ERBB2: variants seen among roughly 807,000 people sequenced by gnomAD.
The protein encoded by ERBB2 is receptor tyrosine-protein kinase erbB-2.
Under a neutral mutation model 149.0 loss-of-function variants are expected in ERBB2, and 61 were observed. The observed-to-expected ratio is 0.41, with a 90% CI of 0.33 to 0.51. The LOEUF (loss-of-function observed/expected upper bound fraction) is 0.51. ERBB2 is among the 20% of genes least tolerant of loss of function. ERBB2 has a pLI of 0.25. For missense variants in ERBB2, 1,205 were observed against 1,655.1 expected, an observed-to-expected ratio of 0.73 and a Z score of 4.72; for synonymous variants, 633 against 678.8, an observed-to-expected ratio of 0.93 and a Z score of 1.05.
upstream of ERBB2, among the ~76,000 whole-genome samples, chr17:39,691,098 A>G (rs536133356): frequency 7.3e-4 from 111 of 152,128 alleles, no homozygotes; most frequent in Non-Finnish European, 9.1e-4. Context: ...ATGTTCTTAG[A>G]TCAAAATTGG....
intron 2 of ERBB2, 144 bp from the exon 3 acceptor site, chr17:39,708,177 A>G (rs567700684): frequency 1.0e-4 from 63 of 600,468 alleles, no homozygotes; most frequent in Non-Finnish European, 1.7e-4. Flanking sequence ...CTTTATCTCT[A>G]TTTTATCGTT....
rs756380827 is a variant in ERBB2 at position 39,723,310 on chromosome 17, C to T, written c.1947-9C>T. On this transcript the variant is annotated splice_polypyrimidine_tract_variant and intron_variant, in intron 16 of 26. Transcript: ENST00000269571. This position sits in a 1 kb window ranked among gnomAD's most constrained non-coding sequence, Gnocchi z 6.2. ...GCCCTCAATCCCTGACCCTGGCTTC[C>T]GCCCCCAGCCCTCTGACGTCCATCA... 54 of 1,613,478 alleles carry T rather than the reference C, an allele frequency of 3.3e-5. No homozygotes were observed. Among genetic ancestry groups the T allele is most frequent in the East Asian group, 2.5e-4 (11 of 44,866 alleles).
upstream of ERBB2, among the ~76,000 whole-genome samples, chr17:39,693,952 G>A (rs1037880852): frequency 2.0e-5 from 3 of 148,722 alleles, no homozygotes; most frequent in Admixed American, 1.3e-4. Context: ...TTGGGAGGCC[G>A]AGGTGGGCAG....
In ERBB2 at chr17:39,727,205, G is replaced by C; in HGVS notation, c.3160-90G>C. The C allele has an allele frequency of 6.6e-7, 1 of 1,507,596 alleles. No homozygotes were observed. The highest frequency in any genetic ancestry group is 1.2e-5 in the South Asian group (1 of 84,514). 93.4% of individuals were successfully genotyped at this position (1,507,596 alleles called of 1,614,324 possible). A position where few individuals can be genotyped will look rare whatever the true frequency, so the allele number is the denominator to read the frequency against. On this transcript the variant is annotated intron_variant, in intron 25 of 26. Transcript: ENST00000269571. The surrounding 1 kb of genome is among the most constrained non-coding windows in gnomAD (Gnocchi z 4.3). ...GTGTCATACCCCAAAGGTGACCTCT[G>C]TTTTTCTCCTGTGACCCTGTCACCT...
chr17:39,700,104 G>C lies in ERBB2; in HGVS notation c.-135G>C. The C allele has an allele frequency of 7.8e-7, 1 of 1,282,844 alleles. No homozygotes were observed. Among genetic ancestry groups the C allele is most frequent in the Non-Finnish European group, 9.8e-7 (1 of 1,018,372 alleles). 79.5% of individuals were successfully genotyped at this position (1,282,844 alleles called of 1,614,324 possible). A position where few individuals can be genotyped will look rare whatever the true frequency, so the allele number is the denominator to read the frequency against. ...CGGAGAAACCAGGGGAGCCCCCCGG[G>C]CAGCCGCGCGCCCCTTCCCACGGGG... On this transcript the variant is annotated 5_prime_UTR_variant, in exon 1 of 27. Transcript: ENST00000269571.
intron 1 of ERBB2, 128 bp from the exon 2 acceptor site, chr17:39,706,861 CG>C (rs1204412916): frequency 2.3e-6 from 2 of 864,560 alleles, no homozygotes; most frequent in African/African-American, 1.8e-5. Flanking sequence ...GGGACATGGG[CG>C]GAGGGGTCCT....
At position 39,700,216 on chromosome 17, in the gene ERBB2, G is replaced by C; in HGVS notation, c.-23G>C. ...CCAGCCGGGTCCAGCCGGAGCCATG[G>C]GGCCGGAGCCGCAGTGAGCACCATG... On this transcript the variant is annotated 5_prime_UTR_variant, in exon 1 of 27. Transcript: ENST00000269571. 1.4e-6 allele frequency: 2 copies of C among 1,433,324 alleles called. No individual in the cohort carries two copies. Among genetic ancestry groups the C allele is most frequent in the Non-Finnish European group, 1.8e-6 (2 of 1,097,836 alleles). The allele number at this position is 1,433,324 out of a possible 1,614,324, so 88.8% of individuals were successfully genotyped here.
At chr17:39,702,183 C>A (rs1289693059) in intron 1 of ERBB2, among the ~76,000 whole-genome samples, 1 of 152,194 alleles carries the variant, frequency 6.6e-6, no homozygotes, top group Non-Finnish European at 1.5e-5. Context: ...GCCTGTAGTC[C>A]CAGCTACTCC....
rs183941442 is a variant in ERBB2 at position 39,725,012 on chromosome 17, C to T, written c.2494-37C>T. On this transcript the variant is annotated intron_variant, in intron 20 of 26. Transcript: ENST00000269571. This position sits in a 1 kb window ranked among gnomAD's most constrained non-coding sequence, Gnocchi z 4.6. Reference sequence around the variant, plus strand: ...GCTGGGCATGTGGCCAGGCCCAGGCCCTCCCAGAAGGTCTACATGGGTGCT... The same window carrying T: ...GCTGGGCATGTGGCCAGGCCCAGGCTCTCCCAGAAGGTCTACATGGGTGCT... 2.0e-5 allele frequency: 32 copies of T among 1,612,272 alleles called. No individual in the cohort carries two copies. The highest frequency in any genetic ancestry group is 2.7e-5 in the Non-Finnish European group (32 of 1,178,754).
chr17:39,702,969 C>G (rs1386770172), intron 1 of ERBB2, among the ~76,000 whole-genome samples: 1 of 152,232 alleles, frequency 6.6e-6, no homozygotes, highest in Non-Finnish European at 1.5e-5. Flanking sequence ...GCCTTAGGGG[C>G]AGGCAGGTGG....
chr17:39,690,933 C>T (rs2057681112), upstream of ERBB2, among the ~76,000 whole-genome samples: 1 of 151,210 alleles, frequency 6.6e-6, no homozygotes, highest in African/African-American at 2.4e-5. Flanking sequence ...GCAGGTGGAT[C>T]ATCTGAGGTC....
upstream of ERBB2, among the ~76,000 whole-genome samples, chr17:39,690,321 A>G (rs1330087350): frequency 6.6e-6 from 1 of 152,128 alleles, no homozygotes; most frequent in African/African-American, 2.4e-5. Flanking sequence ...CCTGGGCTCG[A>G]GTGATCCTCC....
At chr17:39,694,303 G>GTGTGTA (rs1555612057), upstream of ERBB2, among the ~76,000 whole-genome samples, 487 of 75,760 alleles carry the variant, frequency 6.4e-3, 17 homozygotes, top group African/African-American at 0.023. Context: ...ATATATATGT[G>GTGTGTA]TATATATATA....
Position 39,727,235 on chromosome 17 carries a change from T to C in ERBB2, c.3160-60T>C. On this transcript the variant is annotated intron_variant, in intron 25 of 26. Transcript: ENST00000269571. The surrounding 1 kb of genome is among the most constrained non-coding windows in gnomAD (Gnocchi z 4.3). ...TCTCCTGTGACCCTGTCACCTTCCA[T>C]GGAGTCCCCATCCCAGATCCGTGAG... 1 of 1,587,334 alleles carries C rather than the reference T, an allele frequency of 6.3e-7. No individual in the cohort carries two copies. The highest frequency in any genetic ancestry group is 8.6e-7 in the Non-Finnish European group (1 of 1,167,418).
upstream of ERBB2, among the ~76,000 whole-genome samples, chr17:39,694,251 ATATATATATATATATATG>A (rs1466994550): frequency 0.038 from 1,143 of 29,906 alleles, 59 homozygotes; most frequent in Non-Finnish European, 0.045. Flanking sequence ...ATATATATAT[ATATATATATATATATATG>A]TGTGTATATA....
chr17:39,725,996 C>A lies in ERBB2; in HGVS notation c.2872+143C>A. ...TAGGAGCCTCAAAACCTTCTTGTAT[C>A]CCTTTTACAGTCAAAGTCCAAAGCC... On this transcript the variant is annotated intron_variant, in intron 23 of 26. Coordinates refer to ENST00000269571, the MANE Select transcript of ERBB2 (RefSeq NM_004448.4). The surrounding 1 kb of genome is among the most constrained non-coding windows in gnomAD (Gnocchi z 4.6). The A allele has an allele frequency of 1.2e-6, 1 of 807,006 alleles. No homozygotes were observed. The highest frequency in any genetic ancestry group is 2.7e-5 in the East Asian group (1 of 37,014). The allele number at this position is 807,006 out of a possible 1,614,324, so 50.0% of individuals were successfully genotyped here.
In ERBB2 at chr17:39,725,404, T is replaced by C; in HGVS notation, c.2725+2T>C. 6.2e-7 allele frequency: 1 copy of C among 1,601,864 alleles called. No individual in the cohort carries two copies. Among genetic ancestry groups the C allele is most frequent in the Non-Finnish European group, 8.5e-7 (1 of 1,172,058 alleles). On this transcript the variant is annotated splice_donor_variant, in intron 22 of 26. Transcript: ENST00000269571. LOFTEE classifies it high-confidence loss of function. The surrounding 1 kb of genome is among the most constrained non-coding windows in gnomAD (Gnocchi z 4.6). Reference sequence around the variant, plus strand: ...ACCAGAGTGATGTGTGGAGTTATGGTGTGTGATGGGGGGTGTTGGGAGGGG... The same window carrying C: ...ACCAGAGTGATGTGTGGAGTTATGGCGTGTGATGGGGGGTGTTGGGAGGGG...
chr17:39,694,318 C>CATATATATGTGTATATATATATATATAT (rs1567888421), upstream of ERBB2, among the ~76,000 whole-genome samples: 1 of 83,900 alleles, frequency 1.2e-5, no homozygotes, highest in African/African-American at 4.6e-5. Context: ...TATATATACA[C>CATATATATGTGTATATATATATATATAT]ACACACATAT....
rs375212413 is a variant in ERBB2, at chr17:39,727,569, G to A, written c.3412+22G>A. On this transcript the variant is annotated intron_variant, in intron 26 of 26. Transcript: ENST00000269571. This position sits in a 1 kb window ranked among gnomAD's most constrained non-coding sequence, Gnocchi z 4.3. Reference sequence around the variant, plus strand: ...CCTGGTATGGAGTCCAGTCTAAGCAGAGAGACTGATGGGCAGGGGAGGTGG... The same window carrying A: ...CCTGGTATGGAGTCCAGTCTAAGCAAAGAGACTGATGGGCAGGGGAGGTGG... The A allele has an allele frequency of 1.9e-4, 302 of 1,587,992 alleles. No individual in the cohort carries two copies. Among genetic ancestry groups the A allele is most frequent in the Middle Eastern group, 3.4e-4 (2 of 5,942 alleles).
Sources: allele counts gnomAD v4.1 joint callset (sites outside exome capture counted in the v4.1 genomes callset), GRCh38; gene constraint gnomAD v4.1.1; non-coding constraint Gnocchi (gnomAD v3.1); transcripts MANE v1.5; gene names NCBI Gene and HGNC (gene_info 2026-07-23, HGNC 2026-07-21).